Variants in CDC42SE2 observed in about 807,000 individuals in gnomAD.
CDC42SE2 encodes CDC42 small effector protein 2.
Under a neutral mutation model 11.5 loss-of-function variants are expected in CDC42SE2, and 3 were observed. The ratio of observed to expected loss-of-function variants is 0.26; its 90% confidence interval spans 0.12 to 0.67. The LOEUF (loss-of-function observed/expected upper bound fraction) is 0.67. Among genes scored for constraint, CDC42SE2 ranks in the 30% least tolerant of loss-of-function variants. CDC42SE2 has a pLI of 0.80. For synonymous variants in CDC42SE2, 33 were observed against 34.8 expected (o/e 0.95, Z 0.18); for missense variants, 82 against 106.8 (o/e 0.77, Z 1.02).
intron 2 of CDC42SE2, among the ~76,000 whole-genome samples, chr5:131,338,356 C>CTA (rs1561590018): frequency 6.6e-6 from 1 of 152,104 alleles, no homozygotes; most frequent in Non-Finnish European, 1.5e-5. Flanking sequence ...GGTCCCAACT[C>CTA]TAGTTTTGTA....
intron 2 of CDC42SE2, among the ~76,000 whole-genome samples, chr5:131,323,389 G>A (rs1758233779): frequency 6.6e-6 from 1 of 151,696 alleles, no homozygotes; most frequent in Non-Finnish European, 1.5e-5. Flanking sequence ...AGCTTATGAA[G>A]TTATGAAGTA....
At chr5:131,390,154 C>T (rs1206124286) in intron 4 of CDC42SE2, among the ~76,000 whole-genome samples, 1 of 152,126 alleles carries the variant, frequency 6.6e-6, no homozygotes, top group Non-Finnish European at 1.5e-5. Flanking sequence ...AAATAGTTTA[C>T]CCAGTTACAA....
At chr5:131,347,834 G>A (rs1197361271) in intron 2 of CDC42SE2, among the ~76,000 whole-genome samples, 2 of 152,200 alleles carry the variant, frequency 1.3e-5, no homozygotes, top group Non-Finnish European at 2.9e-5. Flanking sequence ...GGGATGCAAG[G>A]CTGGTTCAAC....
the CDC42SE2 span, among the ~76,000 whole-genome samples, chr5:131,229,892 C>T: frequency 6.6e-6 from 1 of 152,144 alleles, no homozygotes; most frequent in Non-Finnish European, 1.5e-5. Flanking sequence ...CAAGATTACG[C>T]CACTGCACTC....
At chr5:131,215,938 A>G in the CDC42SE2 span, among the ~76,000 whole-genome samples, 1 of 152,236 alleles carries the variant, frequency 6.6e-6, no homozygotes, top group Non-Finnish European at 1.5e-5. Context: ...GCTATTGGAA[A>G]TGTGACAATA....
intron 4 of CDC42SE2, among the ~76,000 whole-genome samples, chr5:131,385,949 G>C (rs1298865238): frequency 6.6e-6 from 1 of 152,138 alleles, no homozygotes; most frequent in Non-Finnish European, 1.5e-5. Flanking sequence ...ATATCCTATT[G>C]ATTCTCTTGC....
intron 1 of CDC42SE2, among the ~76,000 whole-genome samples, chr5:131,266,460 C>CTT (rs913283936): frequency 1.9e-4 from 24 of 128,156 alleles, no homozygotes; most frequent in Non-Finnish European, 2.9e-4. Context: ...TTTTTTTTTT[C>CTT]TTTTTTTTTT....
the CDC42SE2 span, among the ~76,000 whole-genome samples, chr5:131,221,935 C>G: frequency 6.6e-6 from 1 of 152,150 alleles, no homozygotes; most frequent in Admixed American, 6.5e-5. Flanking sequence ...TAGCAAGTTA[C>G]CATTGATTCA....
At chr5:131,254,573 G>GAAAGA (rs903138690) in intron 1 of CDC42SE2, among the ~76,000 whole-genome samples, 1 of 151,074 alleles carries the variant, frequency 6.6e-6, no homozygotes, top group Non-Finnish European at 1.5e-5. Context: ...GAAAGAAAAA[G>GAAAGA]AAAGAAAAGA....
At chr5:131,275,342 G>A (rs1367969996) in intron 1 of CDC42SE2, among the ~76,000 whole-genome samples, 1 of 151,430 alleles carries the variant, frequency 6.6e-6, no homozygotes, top group East Asian at 1.9e-4. Flanking sequence ...TTTAGCCCAG[G>A]CTAGAGTGCG....
At chr5:131,386,696 C>T (rs1247736426) in intron 4 of CDC42SE2, among the ~76,000 whole-genome samples, 2 of 152,158 alleles carry the variant, frequency 1.3e-5, no homozygotes, top group Non-Finnish European at 2.9e-5. Flanking sequence ...AGAGTTGTTC[C>T]TCACATTTGC....
At chr5:131,216,496 T>A in the CDC42SE2 span, among the ~76,000 whole-genome samples, 1 of 98,006 alleles carries the variant, frequency 1.0e-5, no homozygotes. Context: ...AATGAGAACC[T>A]GTCTCAAAAA....
chr5:131,330,694 A>C (rs1758402635), intron 2 of CDC42SE2, among the ~76,000 whole-genome samples: 1 of 151,984 alleles, frequency 6.6e-6, no homozygotes, highest in Non-Finnish European at 1.5e-5. Flanking sequence ...CCCACAATGC[A>C]CAGGACAGTG....
intron 2 of CDC42SE2, among the ~76,000 whole-genome samples, chr5:131,323,770 G>T (rs1043962243): frequency 6.6e-6 from 1 of 151,912 alleles, no homozygotes; most frequent in Non-Finnish European, 1.5e-5. Context: ...TACATGAGAG[G>T]ATTTGATCTG....
At chr5:131,345,384 A>T (rs962585876) in intron 2 of CDC42SE2, among the ~76,000 whole-genome samples, 1 of 152,158 alleles carries the variant, frequency 6.6e-6, no homozygotes, top group Non-Finnish European at 1.5e-5. Context: ...TGATTTTATC[A>T]AGTAGAAGAA....
At chr5:131,311,787 G>T (rs1318358831) in intron 1 of CDC42SE2, among the ~76,000 whole-genome samples, 2 of 152,104 alleles carry the variant, frequency 1.3e-5, no homozygotes, top group Non-Finnish European at 1.5e-5. Context: ...TTGGTTTTCA[G>T]CTCCATCAGC....
At chr5:131,295,490 T>G (rs1338782492) in intron 1 of CDC42SE2, among the ~76,000 whole-genome samples, 1 of 152,118 alleles carries the variant, frequency 6.6e-6, no homozygotes, top group Non-Finnish European at 1.5e-5. Context: ...CCAAGACACA[T>G]GTGAAGTGGT....
chr5:131,365,833 T>A (rs577664791), intron 3 of CDC42SE2, among the ~76,000 whole-genome samples: 1 of 151,908 alleles, frequency 6.6e-6, no homozygotes, highest in East Asian at 1.9e-4. Context: ...ATACAAAAAA[T>A]TAGCCGGGTG....
Position 131,385,456 on chromosome 5 carries a change from T to C in CDC42SE2, c.55-87T>C, listed in dbSNP as rs1180056638. ...TAGGCATTTTTGTGTTCTTGGCAAATTTATTAAACAGTCATAGTATAAAAA... is the reference window on the plus strand; with the variant it reads ...TAGGCATTTTTGTGTTCTTGGCAAACTTATTAAACAGTCATAGTATAAAAA... On this transcript the variant is annotated intron_variant, in intron 3 of 4. Transcript: ENST00000505065. 12 of 900,626 alleles carry C rather than the reference T, an allele frequency of 1.3e-5. No individual in the cohort carries two copies. The Middle Eastern group carries it at 6.7e-4, about 51-fold the overall frequency. The allele number at this position is 900,626 out of a possible 1,614,324, so 55.8% of individuals were successfully genotyped here.
Sources: allele counts gnomAD v4.1 joint callset (sites outside exome capture counted in the v4.1 genomes callset), GRCh38; gene constraint gnomAD v4.1.1; transcripts MANE v1.5; gene names NCBI Gene and HGNC (gene_info 2026-07-23, HGNC 2026-07-21).